Variants in SLC4A4 observed in about 807,000 individuals in gnomAD.
SLC4A4 encodes the protein electrogenic sodium bicarbonate cotransporter 1.
In SLC4A4, 27 loss-of-function variants were observed where a neutral mutation model predicts 111.5. That is an observed-to-expected ratio of 0.24 (90% CI 0.18 to 0.33). The LOEUF (loss-of-function observed/expected upper bound fraction) is 0.33. Ranked by LOEUF, SLC4A4 falls within the 10% of genes least tolerant of loss-of-function variation. The probability of loss-of-function intolerance (pLI) is 1.00; values close to 1 mark genes in which losing one functional copy is unlikely to be tolerated. For synonymous variants in SLC4A4, 443 were observed against 463.4 expected, an observed-to-expected ratio of 0.96 and a Z score of 0.57; for missense variants, 909 against 1,315.5, an observed-to-expected ratio of 0.69 and a Z score of 4.78.
At chr4:71,386,117 C>T (rs573790735) in intron 6 of SLC4A4, among the ~76,000 whole-genome samples, 50 of 151,688 alleles carry the variant, frequency 3.3e-4, no homozygotes, top group African/African-American at 1.2e-3. Context: ...TCTTCCAGTC[C>T]TTTGAAATCA....
intron 4 of SLC4A4, among the ~76,000 whole-genome samples, chr4:71,347,749 G>A (rs1437159511): frequency 1.3e-5 from 2 of 152,110 alleles, no homozygotes; most frequent in African/African-American, 2.4e-5. Context: ...GCTGATAGAA[G>A]TGGGGGCTCA....
At chr4:71,550,465 A>G (rs931735642) in intron 20 of SLC4A4, among the ~76,000 whole-genome samples, 1 of 151,928 alleles carries the variant, frequency 6.6e-6, no homozygotes, top group Admixed American at 6.6e-5. Context: ...ATGACTAAGT[A>G]AGAGTCAAGA....
chr4:71,531,444 G>T (rs1733906586), intron 16 of SLC4A4, among the ~76,000 whole-genome samples: 2 of 152,070 alleles, frequency 1.3e-5, no homozygotes, highest in Non-Finnish European at 2.9e-5. Flanking sequence ...AACTAGTGCA[G>T]CTGTGACATT....
At chr4:71,249,893 A>C (rs1261960235) in intron 2 of SLC4A4, among the ~76,000 whole-genome samples, 1 of 151,884 alleles carries the variant, frequency 6.6e-6, no homozygotes, top group Non-Finnish European at 1.5e-5. Context: ...CAAAAAAAAA[A>C]AAAATCACTT....
At chr4:71,395,313 T>C (rs1022520812) in intron 6 of SLC4A4, among the ~76,000 whole-genome samples, 2 of 152,176 alleles carry the variant, frequency 1.3e-5, no homozygotes, top group African/African-American at 4.8e-5. Context: ...ACTAGAAGTG[T>C]TGACTAGCAG....
chr4:71,444,396 A>G (rs1490513364), intron 8 of SLC4A4, among the ~76,000 whole-genome samples: 2 of 152,214 alleles, frequency 1.3e-5, no homozygotes, highest in Non-Finnish European at 2.9e-5. Flanking sequence ...ACTAGACGCT[A>G]TTAAAAATTG....
At chr4:71,167,749 C>A (rs922965082) in intron 2 of SLC4A4, among the ~76,000 whole-genome samples, 2 of 152,154 alleles carry the variant, frequency 1.3e-5, no homozygotes, top group Non-Finnish European at 2.9e-5. Flanking sequence ...TGTTGGTCTT[C>A]AAGTTTCTCC....
At chr4:71,493,916 G>A (rs944415313) in intron 15 of SLC4A4, among the ~76,000 whole-genome samples, 1 of 151,780 alleles carries the variant, frequency 6.6e-6, no homozygotes, top group Non-Finnish European at 1.5e-5. Context: ...TCACTCCCAC[G>A]CATTTCTCAG....
intron 1 of SLC4A4, among the ~76,000 whole-genome samples, chr4:71,086,898 A>G (rs1040274521): frequency 6.6e-6 from 1 of 152,026 alleles, no homozygotes; most frequent in African/African-American, 2.4e-5. Flanking sequence ...AGGCTTTGGT[A>G]TCAGGATGGT....
upstream of SLC4A4, chr4:71,186,805 A>C (rs1745468487): frequency 1.3e-5 from 2 of 151,950 alleles, no homozygotes; most frequent in South Asian, 4.2e-4. Flanking sequence ...GAGCCCCCGC[A>C]CCCCGGCTTG....
chr4:71,177,232 T>A (rs536409029), intron 2 of SLC4A4, among the ~76,000 whole-genome samples: 1 of 152,224 alleles, frequency 6.6e-6, no homozygotes, highest in Admixed American at 6.5e-5. Context: ...ACATGCCAAA[T>A]TGTAAAGACC....
Position 71,267,883 on chromosome 4 carries a change from T to C in SLC4A4, c.253+12484T>C, listed in dbSNP as rs190580404. On this transcript the variant is annotated intron_variant, in intron 3 of 25. Transcript: ENST00000264485. ...TATTAAATGCCATGATAAAAGCACATCTATATATAAGGCATACAGTAAGTT... is the reference window on the plus strand; with the variant it reads ...TATTAAATGCCATGATAAAAGCACACCTATATATAAGGCATACAGTAAGTT... Among the ~76,000 whole-genome samples the C allele has an allele frequency of 2.3e-3, 346 of 148,618 alleles. 1 individual carries two copies. The highest frequency in any genetic ancestry group is 8.0e-3 in the African/African-American group (319 of 40,056).
chr4:71,348,642 T>G (rs1729544300), intron 4 of SLC4A4, among the ~76,000 whole-genome samples: 1 of 152,176 alleles, frequency 6.6e-6, no homozygotes, highest in Non-Finnish European at 1.5e-5. Context: ...TAGATACGGC[T>G]AAAATACTTC....
intron 3 of SLC4A4, among the ~76,000 whole-genome samples, chr4:71,333,252 A>G (rs941229331): frequency 4.6e-5 from 7 of 152,268 alleles, no homozygotes; most frequent in African/African-American, 7.2e-5. Context: ...AGGCAGCACC[A>G]TAAGCCCAGT....
intron 5 of SLC4A4, among the ~76,000 whole-genome samples, chr4:71,353,041 G>A (rs1021064360): frequency 1.3e-5 from 2 of 152,212 alleles, no homozygotes; most frequent in Non-Finnish European, 2.9e-5. Flanking sequence ...CCGTTTTCAT[G>A]TTGTAGAAGA....
intron 3 of SLC4A4, among the ~76,000 whole-genome samples, chr4:71,317,654 C>G (rs1726794963): frequency 6.6e-6 from 1 of 151,962 alleles, no homozygotes; most frequent in Non-Finnish European, 1.5e-5. Context: ...TTTGAAATCT[C>G]CTGTTTGGAC....
intron 6 of SLC4A4, among the ~76,000 whole-genome samples, chr4:71,376,962 T>G (rs972909531): frequency 6.6e-6 from 1 of 152,176 alleles, no homozygotes; most frequent in Non-Finnish European, 1.5e-5. Context: ...TAAAGAGATT[T>G]GTAAAAATGT....
At position 71,406,127 on chromosome 4, in the gene SLC4A4, T is replaced by C. The variant is rs192285385; in HGVS notation, c.807+8474T>C. 4.6e-3 allele frequency among the ~76,000 whole-genome samples: 706 copies of C among 152,254 alleles called. 6 individuals are homozygous for C. The highest frequency in any genetic ancestry group is 0.012 in the Admixed American group (178 of 15,294). Reference sequence around the variant, plus strand: ...TTGGACAAGTGTTCCCTTTGAATATTATTCAACACATTTGCAGCTTGGATC... The same window carrying C: ...TTGGACAAGTGTTCCCTTTGAATATCATTCAACACATTTGCAGCTTGGATC... On this transcript the variant is annotated intron_variant, in intron 7 of 25. Transcript: ENST00000264485.
At chr4:71,390,355 G>A (rs1002963498) in intron 6 of SLC4A4, among the ~76,000 whole-genome samples, 1 of 152,166 alleles carries the variant, frequency 6.6e-6, no homozygotes, top group Non-Finnish European at 1.5e-5. Flanking sequence ...AGAAATAATG[G>A]AGAATAGGCT....
Sources: gnomAD v4.1 joint callset for allele counts (sites outside exome capture counted in the v4.1 genomes callset) on GRCh38, gnomAD v4.1.1 for gene constraint, MANE v1.5 for transcripts, NCBI Gene and HGNC (gene_info 2026-07-23, HGNC 2026-07-21) for gene names.